The following FRMD4A variants were observed in gnomAD, a reference collection of about 807,000 sequenced individuals.
The protein encoded by FRMD4A is FERM domain containing 4A, also known as FERM domain-containing protein 4A.
A neutral mutation model predicts 129.1 loss-of-function variants in FRMD4A; 29 were observed. The ratio of observed to expected loss-of-function variants is 0.22; its 90% CI spans 0.17 to 0.31. FRMD4A has a LOEUF of 0.31. Among genes scored for constraint, FRMD4A ranks in the 10% least tolerant of loss-of-function variants. The probability of loss-of-function intolerance (pLI) is 1.00; values close to 1 mark genes in which losing one functional copy is unlikely to be tolerated. For synonymous variants in FRMD4A, 634 were observed against 571.6 expected (o/e 1.11, Z -1.56); for missense variants, 1,272 against 1,375.8 (o/e 0.92, Z 1.19).
chr10:13,825,351 G>T (rs971074843), intron 3 of FRMD4A, among the ~76,000 whole-genome samples: 1 of 152,116 alleles, frequency 6.6e-6, no homozygotes, highest in African/African-American at 2.4e-5. Flanking sequence ...ACCCCGGGCC[G>T]CAGACCAGTA....
At chr10:14,217,497 A>G (rs1397565731) in intron 2 of FRMD4A, among the ~76,000 whole-genome samples, 2 of 152,108 alleles carry the variant, frequency 1.3e-5, no homozygotes, top group African/African-American at 2.4e-5. Context: ...TGTACCTTTC[A>G]CCTTCTGCCA....
intron 2 of FRMD4A, among the ~76,000 whole-genome samples, chr10:14,154,301 GA>G (rs1027333363): frequency 2.6e-5 from 4 of 152,160 alleles, no homozygotes; most frequent in Non-Finnish European, 5.9e-5. Context: ...TTGTAATCAA[GA>G]TTAGCATTGC....
intron 5 of FRMD4A, among the ~76,000 whole-genome samples, chr10:13,783,926 A>T (rs2092795256): frequency 6.6e-6 from 1 of 152,172 alleles, no homozygotes; most frequent in Non-Finnish European, 1.5e-5. Context: ...TATAATATTG[A>T]CTTTGGAGTT....
chr10:13,742,894 G>C (rs535466675), intron 9 of FRMD4A, among the ~76,000 whole-genome samples: 1 of 152,038 alleles, frequency 6.6e-6, no homozygotes, highest in South Asian at 2.1e-4. Flanking sequence ...GTTTTAGCAA[G>C]GCCAGTGTTG....
At chr10:13,985,052 T>C (rs146277726) in intron 2 of FRMD4A, among the ~76,000 whole-genome samples, 1 of 152,142 alleles carries the variant, frequency 6.6e-6, no homozygotes, top group African/African-American at 2.4e-5. Context: ...CATCTAGGAG[T>C]GGCTTAGCCT....
At chr10:13,727,516 G>C (rs11819212) in intron 12 of FRMD4A, among the ~76,000 whole-genome samples, 1 of 152,106 alleles carries the variant, frequency 6.6e-6, no homozygotes, top group Admixed American at 6.5e-5. Context: ...TCCGAGTTTC[G>C]TCTAGGTTGA....
intron 2 of FRMD4A, among the ~76,000 whole-genome samples, chr10:14,173,054 T>A (rs2131888086): frequency 6.6e-6 from 1 of 152,198 alleles, no homozygotes; most frequent in South Asian, 2.1e-4. Context: ...ATGACAAGAG[T>A]CTATTTGTGT....
chr10:13,757,721 A>G (rs2091921105), intron 8 of FRMD4A, among the ~76,000 whole-genome samples: 1 of 152,198 alleles, frequency 6.6e-6, no homozygotes, highest in Non-Finnish European at 1.5e-5. Flanking sequence ...TCTTTCCATT[A>G]AGGTGTATCA....
intron 2 of FRMD4A, among the ~76,000 whole-genome samples, chr10:13,911,603 C>A (rs2094941338): frequency 6.6e-6 from 1 of 152,112 alleles, no homozygotes; most frequent in African/African-American, 2.4e-5. Context: ...TGCTCTGTTG[C>A]CCCAGCTGGA....
At chr10:14,229,148 T>C (rs1389650697) in intron 2 of FRMD4A, among the ~76,000 whole-genome samples, 2 of 151,844 alleles carry the variant, frequency 1.3e-5, no homozygotes, top group Non-Finnish European at 2.9e-5. Flanking sequence ...TTTTGAATGG[T>C]GGGAGGGGAA....
At chr10:13,931,744 C>A (rs1302040777) in intron 2 of FRMD4A, among the ~76,000 whole-genome samples, 4 of 147,714 alleles carry the variant, frequency 2.7e-5, no homozygotes, top group Non-Finnish European at 5.9e-5. Flanking sequence ...TTGAGACCAG[C>A]CTGGCCAACA....
At chr10:13,881,687 G>C (rs1181471380) in intron 2 of FRMD4A, among the ~76,000 whole-genome samples, 1 of 152,080 alleles carries the variant, frequency 6.6e-6, no homozygotes, top group African/African-American at 2.4e-5. Flanking sequence ...GTGCTGTGCT[G>C]TCAACGACAA....
intron 12 of FRMD4A, among the ~76,000 whole-genome samples, chr10:13,732,762 C>T (rs897009864): frequency 6.6e-6 from 1 of 152,198 alleles, no homozygotes; most frequent in Non-Finnish European, 1.5e-5. Flanking sequence ...TGCCACCCCT[C>T]CCAGATGGCT....
In FRMD4A at chr10:14,281,919, G is replaced by A. The variant is rs189650058; in HGVS notation, c.45+48139C>T. ...ATCTGAATTTCTCCATTTTTACATT[G>A]CTGATAAAGACATACCCAGAGATTG... On this transcript the variant is annotated intron_variant, in intron 2 of 24. Transcript: ENST00000357447. Among the ~76,000 whole-genome samples, 121 of 152,246 alleles carry A rather than the reference G, an allele frequency of 7.9e-4. 1 individual carries two copies. Among genetic ancestry groups the A allele is most frequent in the African/African-American group, 2.2e-3 (92 of 41,528 alleles).
chr10:13,987,353 T>A (rs7905922), intron 2 of FRMD4A, among the ~76,000 whole-genome samples: 4,188 of 151,986 alleles, frequency 0.028, 108 homozygotes, highest in African/African-American at 0.06. Flanking sequence ...ACCCCTCCCA[T>A]GAAAAAGTTA....
At chr10:14,070,544 A>G (rs1158179721) in intron 2 of FRMD4A, among the ~76,000 whole-genome samples, 2 of 152,238 alleles carry the variant, frequency 1.3e-5, no homozygotes, top group Non-Finnish European at 2.9e-5. Context: ...AGCTGGCAGA[A>G]GAAGGGACAT....
At chr10:13,689,546 A>ATTTTTTTTTTTTTTTTTT (rs1259780771) in intron 15 of FRMD4A, among the ~76,000 whole-genome samples, 3 of 104,416 alleles carry the variant, frequency 2.9e-5, no homozygotes, top group African/African-American at 1.3e-4. Context: ...AGATTAGAAG[A>ATTTTTTTTTTTTTTTTTT]TTCTTTTTTT....
chr10:14,009,694 A>G (rs2446590), intron 2 of FRMD4A, among the ~76,000 whole-genome samples: 150,675 of 152,348 alleles, frequency 0.99, 74,515 homozygotes, highest in East Asian at 1. Context: ...GACACACATC[A>G]CGAGTCAGTT....
At chr10:14,150,985 T>G (rs1409066172) in intron 2 of FRMD4A, among the ~76,000 whole-genome samples, 1 of 152,208 alleles carries the variant, frequency 6.6e-6, no homozygotes, top group Non-Finnish European at 1.5e-5. Context: ...AGCATTGGAT[T>G]TGTCACACGC....
Sources: gnomAD v4.1 joint callset for allele counts (sites outside exome capture counted in the v4.1 genomes callset) on GRCh38, gnomAD v4.1.1 for gene constraint, MANE v1.5 for transcripts, NCBI Gene and HGNC (gene_info 2026-07-23, HGNC 2026-07-21) for gene names.